Variants in SDK1 observed in about 807,000 individuals in gnomAD.
The protein encoded by SDK1 is protein sidekick-1.
In SDK1, 157 loss-of-function variants were observed where a neutral mutation model predicts 245.5. The ratio of observed to expected loss-of-function variants is 0.64; its 90% confidence interval spans 0.56 to 0.73. The LOEUF (loss-of-function observed/expected upper bound fraction) is 0.73. Among genes scored for constraint, SDK1 ranks in the 30% least tolerant of loss-of-function variants. SDK1 has a pLI of 0.00. For missense variants in SDK1, 3,583 were observed against 3,002.3 expected (o/e 1.19, Z -4.52); for synonymous variants, 1,647 against 1,278.5 (o/e 1.29, Z -6.15).
At chr7:4,234,906 G>A (rs1786053225) in intron 41 of SDK1, among the ~76,000 whole-genome samples, 1 of 152,214 alleles carries the variant, frequency 6.6e-6, no homozygotes, top group Non-Finnish European at 1.5e-5. Flanking sequence ...CCCAGGTAGG[G>A]CCAGCTCTGT....
chr7:3,566,480 C>G (rs552943610), intron 1 of SDK1, among the ~76,000 whole-genome samples: 1 of 151,986 alleles, frequency 6.6e-6, no homozygotes, highest in East Asian at 1.9e-4. Context: ...CTGCCTCGGC[C>G]TCCCAAAGTG....
chr7:4,041,617 C>T (rs1198436096), intron 17 of SDK1, among the ~76,000 whole-genome samples: 2 of 151,984 alleles, frequency 1.3e-5, no homozygotes, highest in Non-Finnish European at 2.9e-5. Flanking sequence ...TCCTGACTGC[C>T]GACCCCCAGC....
intron 5 of SDK1, among the ~76,000 whole-genome samples, chr7:3,898,834 A>C (rs1781689150): frequency 6.6e-6 from 1 of 152,200 alleles, no homozygotes; most frequent in East Asian, 1.9e-4. Flanking sequence ...AGTGCCAAGA[A>C]GTTCATTCTT....
intron 21 of SDK1, 72 bp downstream of exon 21, chr7:4,077,261 G>T: frequency 6.9e-7 from 1 of 1,458,152 alleles, no homozygotes. Flanking sequence ...GAAGTTGATT[G>T]GCACTTTGGT....
intron 5 of SDK1, among the ~76,000 whole-genome samples, chr7:3,878,698 G>A (rs938735193): frequency 5.3e-5 from 8 of 152,094 alleles, no homozygotes; most frequent in Admixed American, 4.6e-4. Context: ...TAGAGGGTTC[G>A]AAGAGGAAGA....
At chr7:3,720,743 C>G (rs1052774813) in intron 4 of SDK1, among the ~76,000 whole-genome samples, 3 of 152,198 alleles carry the variant, frequency 2.0e-5, no homozygotes, top group African/African-American at 7.2e-5. Flanking sequence ...CTACTGCATT[C>G]TTGGGCATAT....
At chr7:3,444,698 T>C (rs1780294978) in intron 1 of SDK1, among the ~76,000 whole-genome samples, 1 of 152,192 alleles carries the variant, frequency 6.6e-6, no homozygotes, top group Non-Finnish European at 1.5e-5. Context: ...CTGTCCTTGA[T>C]TGGTTTTCTG....
At chr7:3,896,650 C>T (rs1781614746) in intron 5 of SDK1, among the ~76,000 whole-genome samples, 1 of 152,178 alleles carries the variant, frequency 6.6e-6, no homozygotes, top group South Asian at 2.1e-4. Context: ...TTTTGTTTTC[C>T]TTCACCCAGG....
chr7:4,002,940 C>G (rs1296124939), intron 14 of SDK1, among the ~76,000 whole-genome samples: 1 of 152,244 alleles, frequency 6.6e-6, no homozygotes, highest in African/African-American at 2.4e-5. Context: ...GAGCTTCCTT[C>G]CCAGAGGGCA....
chr7:3,566,447 G>T (rs764707931), intron 1 of SDK1, among the ~76,000 whole-genome samples: 17 of 151,878 alleles, frequency 1.1e-4, no homozygotes, highest in Non-Finnish European at 1.8e-4. Context: ...GGATGGTCTC[G>T]ATCTCCTGAC....
chr7:3,897,024 G>A (rs1440997974), intron 5 of SDK1, among the ~76,000 whole-genome samples: 1 of 152,028 alleles, frequency 6.6e-6, no homozygotes, highest in East Asian at 1.9e-4. Flanking sequence ...AGAGCAGAGG[G>A]GAAGAACTGC....
At chr7:3,834,760 C>T (rs6956748) in intron 5 of SDK1, among the ~76,000 whole-genome samples, 3,091 of 152,230 alleles carry the variant, frequency 0.02, 121 homozygotes, top group African/African-American at 0.072. Flanking sequence ...TGCTTATTTC[C>T]GCAAGCCACG....
intron 4 of SDK1, among the ~76,000 whole-genome samples, chr7:3,735,977 G>A (rs1246606086): frequency 1.3e-5 from 2 of 152,028 alleles, no homozygotes; most frequent in Non-Finnish European, 2.9e-5. Context: ...TTGCTCTTTT[G>A]TAAACCTTCT....
chr7:4,138,298 G>A (rs955799217), intron 28 of SDK1, among the ~76,000 whole-genome samples: 8 of 152,104 alleles, frequency 5.3e-5, no homozygotes, highest in African/African-American at 1.7e-4. Context: ...TGGGTCCAGC[G>A]GCACTGCCAC....
chr7:3,965,004 G>A (rs1285749798), intron 9 of SDK1, among the ~76,000 whole-genome samples: 4 of 152,160 alleles, frequency 2.6e-5, no homozygotes, highest in African/African-American at 4.8e-5. Flanking sequence ...ATTATTTGAA[G>A]CCTATCTTGC....
intron 5 of SDK1, among the ~76,000 whole-genome samples, chr7:3,892,909 C>G (rs191016183): frequency 6.6e-6 from 1 of 152,298 alleles, no homozygotes; most frequent in Admixed American, 6.5e-5. Flanking sequence ...TCGTGGGTTG[C>G]TTTCGAGGAT....
intron 4 of SDK1, among the ~76,000 whole-genome samples, chr7:3,697,351 T>A (rs781372979): frequency 6.6e-6 from 1 of 152,238 alleles, no homozygotes; most frequent in African/African-American, 2.4e-5. Flanking sequence ...AGTCACTGAT[T>A]TGGAGCTTCT....
chr7:3,548,981 T>C (rs1779316713), intron 1 of SDK1, among the ~76,000 whole-genome samples: 1 of 152,204 alleles, frequency 6.6e-6, no homozygotes, highest in Non-Finnish European at 1.5e-5. Flanking sequence ...CTCCCTACTA[T>C]CAATATATTG....
chr7:3,348,746 T>C (rs1377172023), intron 1 of SDK1, among the ~76,000 whole-genome samples: 1 of 152,154 alleles, frequency 6.6e-6, no homozygotes, highest in African/African-American at 2.4e-5. Context: ...TTTTAAATAC[T>C]CATTTGGAGG....
Sources: allele counts gnomAD v4.1 joint callset (sites outside exome capture counted in the v4.1 genomes callset), GRCh38; gene constraint gnomAD v4.1.1; transcripts MANE v1.5; gene names NCBI Gene and HGNC (gene_info 2026-07-23, HGNC 2026-07-21).